The following TSC22D1 variants were observed in gnomAD, a reference collection of about 807,000 sequenced individuals.
TSC22D1 encodes TSC22 domain family protein 1.
In TSC22D1, 9 loss-of-function variants were observed where a neutral mutation model predicts 74.2. The observed-to-expected ratio is 0.12, with a 90% CI of 0.07 to 0.21. The LOEUF (loss-of-function observed/expected upper bound fraction) is 0.21, where lower values mean the gene tolerates loss of function less well. Ranked by LOEUF, TSC22D1 falls within the 10% of genes least tolerant of loss-of-function variation. The pLI, the probability that TSC22D1 is intolerant of heterozygous loss-of-function variation, is 1.00. For missense variants in TSC22D1, 1,427 were observed against 1,304.7 expected (o/e 1.09, Z -1.44); for synonymous variants, 586 against 492.5 (o/e 1.19, Z -2.51).
chr13:44,445,859 T>G (rs774790070), intron 1 of TSC22D1, among the ~76,000 whole-genome samples: 4 of 152,174 alleles, frequency 2.6e-5, no homozygotes, highest in African/African-American at 9.7e-5. Flanking sequence ...TAAAATATAG[T>G]TTAAATTTTA....
Position 44,576,091 on chromosome 13 carries a change from G to C in TSC22D1, c.-17C>G, listed in dbSNP as rs771558399. 2 of 1,511,870 alleles carry C rather than the reference G, an allele frequency of 1.3e-6. No individual in the cohort carries two copies. Among genetic ancestry groups the C allele is most frequent in the Admixed American group, 2.2e-5 (1 of 44,674 alleles). The allele number at this position is 1,511,870 out of a possible 1,614,324, so 93.7% of individuals were successfully genotyped here. A position where few individuals can be genotyped will look rare whatever the true frequency, so the allele number is the denominator to read the frequency against. Reference sequence around the variant, plus strand: ...CTGGTGCATTGTGTTGGGTACCGGGGGCGCGGAGGAGACGAGTGCAATTTC... The same window carrying C: ...CTGGTGCATTGTGTTGGGTACCGGGCGCGCGGAGGAGACGAGTGCAATTTC... On this transcript the variant is annotated 5_prime_UTR_variant, in exon 1 of 3. Transcript: ENST00000458659.
rs113555558 is a variant in TSC22D1 at position 44,561,028 on chromosome 13, A to G, written c.2912+12135T>C. Among the ~76,000 whole-genome samples the G allele has an allele frequency of 5.3e-3, 804 of 152,294 alleles. 1 individual carries two copies. Among genetic ancestry groups the G allele is most frequent in the Middle Eastern group, 0.01 (3 of 294 alleles). On this transcript the variant is annotated intron_variant, in intron 1 of 2. Transcript: ENST00000458659. ...AGACTTAATGGAAGTCCAAAAAAGG[A>G]TCAGAAATGCTATGCAAAAATACCC...
intron 1 of TSC22D1, among the ~76,000 whole-genome samples, chr13:44,474,715 G>C (rs1038804972): frequency 1.3e-5 from 2 of 151,938 alleles, no homozygotes; most frequent in Non-Finnish European, 2.9e-5. Context: ...GAGGGAAGAA[G>C]GAGGGAGAGG....
chr13:44,538,776 A>C, intron 1 of TSC22D1: 1 of 985,434 alleles, frequency 1.0e-6, no homozygotes, highest in Non-Finnish European at 1.2e-6. Flanking sequence ...TCCATTCACC[A>C]CTGCCTTCCA....
At chr13:44,550,031 A>C (rs1015208354) in intron 1 of TSC22D1, among the ~76,000 whole-genome samples, 2 of 152,198 alleles carry the variant, frequency 1.3e-5, no homozygotes, top group Admixed American at 1.3e-4. Context: ...TAGGAATAAA[A>C]TTTTGATAGC....
In TSC22D1 at chr13:44,434,307, G is replaced by C. The variant is rs114157908; in HGVS notation, c.*319C>G. The stretch of plus-strand genomic sequence containing the variant: ...AGAACCCTTGGAAGTGAGGGGTAGG[G>C]AGCCGGAAGGGATGGAAAGGCACAC... On this transcript the variant is annotated 3_prime_UTR_variant, in exon 3 of 3. Transcript: ENST00000458659. The C allele has an allele frequency of 4.4e-6, 6 of 1,372,988 alleles. No homozygotes were observed. 85.1% of individuals were successfully genotyped at this position (1,372,988 alleles called of 1,614,324 possible). A position where few individuals can be genotyped will look rare whatever the true frequency, so the allele number is the denominator to read the frequency against.
intron 1 of TSC22D1, chr13:44,539,986 G>A: frequency 8.3e-7 from 1 of 1,211,958 alleles, no homozygotes; most frequent in Non-Finnish European, 1.1e-6. Flanking sequence ...ACATTCTCTG[G>A]TCATTTGAGT....
chr13:44,533,437 G>C (rs537944699), intron 1 of TSC22D1, among the ~76,000 whole-genome samples: 100 of 150,642 alleles, frequency 6.6e-4, no homozygotes, highest in Middle Eastern at 6.8e-3. Context: ...TCCAGCTTAG[G>C]TAAGAGTAAG....
intron 1 of TSC22D1, among the ~76,000 whole-genome samples, chr13:44,465,909 G>A (rs746855872): frequency 7.9e-5 from 12 of 152,098 alleles, no homozygotes; most frequent in Non-Finnish European, 1.0e-4. Flanking sequence ...GGAGGCAGAG[G>A]TTGCAGTGAG....
At chr13:44,462,999 C>T (rs561529305) in intron 1 of TSC22D1, among the ~76,000 whole-genome samples, 1 of 152,236 alleles carries the variant, frequency 6.6e-6, no homozygotes, top group African/African-American at 2.4e-5. Context: ...GTTTGAGGAA[C>T]TTAAACAGTT....
intron 1 of TSC22D1, among the ~76,000 whole-genome samples, chr13:44,442,311 T>C (rs73463689): frequency 0.019 from 2,966 of 152,250 alleles, 111 homozygotes; most frequent in African/African-American, 0.068. Context: ...CAGGGAAATA[T>C]CACTCATGAG....
intron 1 of TSC22D1, among the ~76,000 whole-genome samples, chr13:44,476,491 G>C (rs1877918493): frequency 6.6e-6 from 1 of 151,962 alleles, no homozygotes; most frequent in Admixed American, 6.6e-5. Context: ...TTTAAAAAAA[G>C]AAAGTTATCA....
At position 44,434,220 on chromosome 13, in the gene TSC22D1, G is replaced by C; in HGVS notation, c.*406C>G. ...TGGGGGGAGGAGAGGAGAGAGGCGA[G>C]TCCAGTGAGGAGCTCCATCGCTTCA... On this transcript the variant is annotated 3_prime_UTR_variant, in exon 3 of 3. Coordinates refer to ENST00000458659, the MANE Select transcript of TSC22D1 (RefSeq NM_183422.4). 2.1e-6 allele frequency: 3 copies of C among 1,430,698 alleles called. No individual in the cohort carries two copies. Among genetic ancestry groups the C allele is most frequent in the Non-Finnish European group, 2.7e-6 (3 of 1,106,644 alleles). 88.6% of individuals were successfully genotyped at this position (1,430,698 alleles called of 1,614,324 possible).
chr13:44,551,422 G>GTGTA (rs1882263834), intron 1 of TSC22D1, among the ~76,000 whole-genome samples: 1 of 151,292 alleles, frequency 6.6e-6, no homozygotes, highest in Non-Finnish European at 1.5e-5. Flanking sequence ...GTGTGTGTGT[G>GTGTA]TGTGTGTGTG....
At chr13:44,494,665 T>A (rs190300894) in intron 1 of TSC22D1, among the ~76,000 whole-genome samples, 93 of 152,170 alleles carry the variant, frequency 6.1e-4, no homozygotes, top group African/African-American at 2.2e-3. Context: ...AATTCCAGCA[T>A]TATCACACAT....
intron 1 of TSC22D1, chr13:44,537,495 A>C: frequency 1.0e-6 from 1 of 985,178 alleles, no homozygotes. Context: ...CTCACAGGCC[A>C]CACAAAGCGG....
At chr13:44,559,370 A>T (rs899688991) in intron 1 of TSC22D1, among the ~76,000 whole-genome samples, 2 of 152,192 alleles carry the variant, frequency 1.3e-5, no homozygotes, top group African/African-American at 4.8e-5. Flanking sequence ...ATTTTTTCCT[A>T]AATTAAATTC....
rs1159997706 is a variant in TSC22D1 at position 44,574,568 on chromosome 13, G to GC, written c.1506_1507insG (p.Gln503AlafsTer22). The stretch of plus-strand genomic sequence containing the variant: ...GCTGGTTGTTGCTGTTGTTGTTGTT[G>GC]TTGCTGCTGCTGCTGCTGCACCACC... On this transcript the variant is annotated frameshift_variant, in exon 1 of 3. Coordinates refer to ENST00000458659, the MANE Select transcript of TSC22D1 (RefSeq NM_183422.4). LOFTEE classifies it high-confidence loss of function. 1 of 1,611,984 alleles carries GC rather than the reference G, an allele frequency of 6.2e-7. No homozygotes were observed. Among genetic ancestry groups the GC allele is most frequent in the African/African-American group, 1.4e-5 (1 of 73,642 alleles).
chr13:44,577,010 G>GT (rs1195060129), upstream of TSC22D1: 2 of 152,610 alleles, frequency 1.3e-5, no homozygotes, highest in Non-Finnish European at 2.9e-5. Context: ...AGGGCGGAGG[G>GT]TGCGACCCTC....
Sources: gnomAD v4.1 joint callset for allele counts (sites outside exome capture counted in the v4.1 genomes callset) on GRCh38, gnomAD v4.1.1 for gene constraint, MANE v1.5 for transcripts, NCBI Gene and HGNC (gene_info 2026-07-23, HGNC 2026-07-21) for gene names.